Variants in FMN2 observed in about 807,000 individuals in gnomAD.
The protein encoded by FMN2 is formin 2.
In FMN2, 51 loss-of-function variants were observed where a neutral mutation model predicts 142.3. The observed-to-expected ratio is 0.36, with a 90% CI of 0.29 to 0.45. The LOEUF is 0.45. FMN2 is among the 20% of genes least tolerant of loss of function. The pLI, the probability that FMN2 is intolerant of heterozygous loss-of-function variation, is 1.00. For missense variants in FMN2, 1,936 were observed against 2,122.8 expected (o/e 0.91, Z 1.73); for synonymous variants, 882 against 869.8 (o/e 1.01, Z -0.25).
At chr1:240,369,445 CAATACCATTG>C in intron 14 of FMN2, among the ~76,000 whole-genome samples, 1 of 152,114 alleles carries the variant, frequency 6.6e-6, no homozygotes, top group Admixed American at 6.5e-5. Flanking sequence ...TACATTTAAC[CAATACCATTG>C]TCTTGGCTCA....
chr1:240,468,049 G>T lies in FMN2; in HGVS notation c.5061-4323G>T, dbSNP rs147401927. On this transcript the variant is annotated intron_variant, in intron 16 of 17. Transcript: ENST00000319653. The stretch of plus-strand genomic sequence containing the variant: ...ATATTTTCCTTCTGTTATCTGGATT[G>T]CTAATTAGAAGTTGCAACTGTTAAA... Among the ~76,000 whole-genome samples, 196 of 152,136 alleles carry T rather than the reference G, an allele frequency of 1.3e-3. 1 individual carries two copies. Among genetic ancestry groups the T allele is most frequent in the African/African-American group, 4.5e-3 (186 of 41,500 alleles).
At chr1:240,190,342 C>T (rs1042414968) in intron 4 of FMN2, among the ~76,000 whole-genome samples, 22 of 152,154 alleles carry the variant, frequency 1.4e-4, no homozygotes, top group Admixed American at 8.5e-4. Context: ...AATGACATCA[C>T]TTACTTTTGG....
At chr1:240,415,544 A>AT (rs397950325) in intron 15 of FMN2, among the ~76,000 whole-genome samples, 1 of 151,160 alleles carries the variant, frequency 6.6e-6, no homozygotes, top group Non-Finnish European at 1.5e-5. Flanking sequence ...AAAAAAAAAA[A>AT]TTGAAGTCTC....
chr1:240,124,868 A>G (rs1352176017), intron 2 of FMN2, among the ~76,000 whole-genome samples: 1 of 151,982 alleles, frequency 6.6e-6, no homozygotes, highest in African/African-American at 2.4e-5. Context: ...GGGTTTCACC[A>G]TGTTGTTCAG....
chr1:240,333,597 C>G (rs575272120), intron 11 of FMN2, among the ~76,000 whole-genome samples: 1 of 152,082 alleles, frequency 6.6e-6, no homozygotes, highest in Admixed American at 6.6e-5. Context: ...ATAAAATATA[C>G]AAGACATGAG....
At chr1:240,446,974 T>C (rs923945841) in intron 16 of FMN2, among the ~76,000 whole-genome samples, 9 of 152,216 alleles carry the variant, frequency 5.9e-5, no homozygotes, top group African/African-American at 2.2e-4. Context: ...TCTTCTGCAC[T>C]TAAACATTAG....
chr1:240,368,745 A>G (rs1672764499), intron 14 of FMN2, among the ~76,000 whole-genome samples: 1 of 152,124 alleles, frequency 6.6e-6, no homozygotes, highest in African/African-American at 2.4e-5. Context: ...GTCATTTCAC[A>G]AAGGGGCATA....
intron 16 of FMN2, among the ~76,000 whole-genome samples, chr1:240,439,279 A>AAAAAAAAAAAAG (rs555074808): frequency 7.2e-5 from 9 of 124,770 alleles, no homozygotes; most frequent in African/African-American, 1.6e-4. Context: ...TCAAAAAAAA[A>AAAAAAAAAAAAG]AAAGAAAGAA....
chr1:240,263,577 G>A (rs1668699927), intron 7 of FMN2, among the ~76,000 whole-genome samples: 2 of 152,174 alleles, frequency 1.3e-5, no homozygotes, highest in Admixed American at 1.3e-4. Context: ...TAAAGCCTCG[G>A]TTGTTGATTT....
intron 2 of FMN2, among the ~76,000 whole-genome samples, chr1:240,138,593 G>C (rs1401921247): frequency 6.6e-6 from 1 of 151,872 alleles, no homozygotes; most frequent in Admixed American, 6.6e-5. Flanking sequence ...TGTAGTCCCA[G>C]CTACTTGGGA....
At chr1:240,323,432 G>A (rs1056484654) in intron 8 of FMN2, among the ~76,000 whole-genome samples, 3 of 152,132 alleles carry the variant, frequency 2.0e-5, no homozygotes, top group South Asian at 2.1e-4. Context: ...CAGAACTCAG[G>A]CAATCTGCTC....
chr1:240,238,095 C>T (rs1456927923), intron 6 of FMN2, among the ~76,000 whole-genome samples: 1 of 152,134 alleles, frequency 6.6e-6, no homozygotes, highest in Non-Finnish European at 1.5e-5. Context: ...AAACATTCAC[C>T]TGTAGTCATT....
chr1:240,452,237 T>C (rs757712460), intron 16 of FMN2, among the ~76,000 whole-genome samples: 11 of 152,142 alleles, frequency 7.2e-5, no homozygotes, highest in Non-Finnish European at 1.3e-4. Context: ...CATTCACTCT[T>C]TTTCAAAAGA....
chr1:240,216,317 C>T (rs934523589), intron 6 of FMN2, among the ~76,000 whole-genome samples: 1 of 152,188 alleles, frequency 6.6e-6, no homozygotes, highest in African/African-American at 2.4e-5. Flanking sequence ...TGTAAAGGAA[C>T]ATGATACCCA....
At chr1:240,140,741 AT>A (rs1663146938) in intron 2 of FMN2, among the ~76,000 whole-genome samples, 1 of 152,234 alleles carries the variant, frequency 6.6e-6, no homozygotes, top group Admixed American at 6.5e-5. Flanking sequence ...AACATAGCCT[AT>A]CCCAGGATAT....
At chr1:240,260,124 A>G (rs1668577879) in intron 7 of FMN2, among the ~76,000 whole-genome samples, 1 of 152,174 alleles carries the variant, frequency 6.6e-6, no homozygotes, top group Non-Finnish European at 1.5e-5. Flanking sequence ...CATATGGAAT[A>G]TGCCACAATT....
chr1:240,136,498 T>C (rs1662945805), intron 2 of FMN2, among the ~76,000 whole-genome samples: 1 of 152,216 alleles, frequency 6.6e-6, no homozygotes, highest in Admixed American at 6.5e-5. Flanking sequence ...TTTTTCCTCC[T>C]TTAAGAGGAT....
intron 2 of FMN2, among the ~76,000 whole-genome samples, chr1:240,149,148 A>G (rs1341523285): frequency 1.3e-5 from 2 of 152,174 alleles, no homozygotes; most frequent in Non-Finnish European, 2.9e-5. Flanking sequence ...CAGAATGTGG[A>G]CAATAAAGTA....
chr1:240,306,552 C>T (rs1381304545), intron 8 of FMN2, among the ~76,000 whole-genome samples: 1 of 152,182 alleles, frequency 6.6e-6, no homozygotes, highest in African/African-American at 2.4e-5. Context: ...TCTCTAGCTG[C>T]ATCCATGTTT....
Sources: allele counts gnomAD v4.1 joint callset (sites outside exome capture counted in the v4.1 genomes callset), GRCh38; gene constraint gnomAD v4.1.1; transcripts MANE v1.5; gene names NCBI Gene and HGNC (gene_info 2026-07-23, HGNC 2026-07-21).